The following CCDC171 variants were observed in gnomAD, a reference collection of about 807,000 sequenced individuals.
CCDC171 encodes the protein coiled-coil domain containing 171, also known as coiled-coil domain-containing protein 171.
In CCDC171, 177 loss-of-function variants were observed where a neutral mutation model predicts 168.2. That is an observed-to-expected ratio of 1.05 (90% CI 0.93 to 1.19). CCDC171 has a LOEUF of 1.19. CCDC171 is among the 50% of genes most tolerant of loss of function. The probability of loss-of-function intolerance (pLI) is 0.00; values close to 1 mark genes in which losing one functional copy is unlikely to be tolerated. For synonymous variants in CCDC171, 687 were observed against 540.8 expected, an observed-to-expected ratio of 1.27 and a Z score of -3.75; for missense variants, 1,991 against 1,539.0, an observed-to-expected ratio of 1.29 and a Z score of -4.91.
the CCDC171 span, among the ~76,000 whole-genome samples, chr9:16,095,624 A>T: frequency 6.6e-6 from 1 of 151,864 alleles, no homozygotes; most frequent in African/African-American, 2.4e-5. Context: ...ATTCTAAATC[A>T]CCTATTTCCC....
intron 1 of CCDC171, among the ~76,000 whole-genome samples, chr9:16,055,086 T>C (rs1586866487): frequency 6.6e-6 from 1 of 152,134 alleles, no homozygotes; most frequent in Admixed American, 6.5e-5. Context: ...TAATGATGGA[T>C]GAGGCATTAG....
At chr9:15,950,262 A>C (rs1828971120) in intron 25 of CCDC171, among the ~76,000 whole-genome samples, 1 of 152,164 alleles carries the variant, frequency 6.6e-6, no homozygotes, top group African/African-American at 2.4e-5. Flanking sequence ...CAAATTCAGG[A>C]AATACAGAGA....
chr9:15,645,969 A>G (rs1008999665), intron 7 of CCDC171, among the ~76,000 whole-genome samples: 1 of 152,224 alleles, frequency 6.6e-6, no homozygotes, highest in African/African-American at 2.4e-5. Flanking sequence ...GTTGAAATGA[A>G]GATAAAAATG....
Position 15,647,883 on chromosome 9 carries a change from C to G in CCDC171, c.823-9244C>G, listed in dbSNP as rs538385761. 6.2e-3 allele frequency among the ~76,000 whole-genome samples: 943 copies of G among 152,242 alleles called. 4 individuals carry two copies. Among genetic ancestry groups the G allele is most frequent in the Non-Finnish European group, 0.01 (714 of 68,020 alleles). ...ATCAATAGAAAAAGAAGGAATCCTCCCTAACTCATTTTATGAGGCCAGCAT... is the reference window on the plus strand; with the variant it reads ...ATCAATAGAAAAAGAAGGAATCCTCGCTAACTCATTTTATGAGGCCAGCAT... On this transcript the variant is annotated intron_variant, in intron 7 of 25. Coordinates refer to ENST00000380701, the MANE Select transcript of CCDC171 (RefSeq NM_173550.4).
intron 21 of CCDC171, among the ~76,000 whole-genome samples, chr9:15,843,257 A>G (rs551773941): frequency 6.6e-6 from 1 of 152,218 alleles, no homozygotes; most frequent in East Asian, 1.9e-4. Flanking sequence ...CATTGTAAAA[A>G]TTTGCTTTAA....
chr9:16,038,798 TA>T (rs2133052145), upstream of CCDC171, among the ~76,000 whole-genome samples: 1 of 86,998 alleles, frequency 1.1e-5, no homozygotes, highest in East Asian at 2.9e-4. Context: ...TGTGGTTTTA[TA>T]AGAGAAAATA....
In CCDC171 at chr9:15,971,963, A is replaced by G. The variant is rs1411688074; in HGVS notation, c.*127A>G. On this transcript the variant is annotated 3_prime_UTR_variant, in exon 26 of 26. Transcript: ENST00000380701. ...AGTGGATTTAAAAAATTTGTGCGCT[A>G]TCTTGATGTATTCTGGTAGCTCTGT... is the stretch of plus-strand genomic sequence containing the variant. 5 of 727,816 alleles carry G rather than the reference A, an allele frequency of 6.9e-6. No homozygotes were observed. Among genetic ancestry groups the G allele is most frequent in the Admixed American group, 2.4e-5 (1 of 41,096 alleles). 45.1% of individuals were successfully genotyped at this position (727,816 alleles called of 1,614,324 possible).
the CCDC171 span, among the ~76,000 whole-genome samples, chr9:16,080,658 C>T: frequency 6.6e-6 from 1 of 152,102 alleles, no homozygotes; most frequent in Admixed American, 6.6e-5. Context: ...GTTCTCCAGC[C>T]TGGGAGAGAA....
chr9:16,074,960 G>A, the CCDC171 span, among the ~76,000 whole-genome samples: 1 of 152,146 alleles, frequency 6.6e-6, no homozygotes, highest in South Asian at 2.1e-4. Context: ...TTGGAGGTGT[G>A]TCAAACTGTT....
At chr9:15,804,645 G>A (rs1265439477) in intron 21 of CCDC171, among the ~76,000 whole-genome samples, 2 of 151,942 alleles carry the variant, frequency 1.3e-5, no homozygotes, top group African/African-American at 4.8e-5. Flanking sequence ...CCAGTGTTTT[G>A]TGGAGGATTT....
intron 3 of CCDC171, among the ~76,000 whole-genome samples, chr9:15,577,184 T>C (rs1011982716): frequency 3.3e-5 from 5 of 152,164 alleles, no homozygotes; most frequent in African/African-American, 1.2e-4. Context: ...TTCATAACCT[T>C]ATCTGCCCTG....
intron 25 of CCDC171, among the ~76,000 whole-genome samples, chr9:15,964,444 A>G (rs896401434): frequency 6.6e-6 from 1 of 151,932 alleles, no homozygotes; most frequent in Non-Finnish European, 1.5e-5. Flanking sequence ...ATTCTCTCGA[A>G]TTGTTTGGGA....
intron 6 of CCDC171, among the ~76,000 whole-genome samples, chr9:15,607,279 A>G (rs1187808973): frequency 2.0e-5 from 3 of 152,156 alleles, no homozygotes; most frequent in Non-Finnish European, 4.4e-5. Flanking sequence ...CATTGAAGAC[A>G]ATTCTGAGTC....
At chr9:15,593,484 A>G (rs2042137224) in intron 5 of CCDC171, among the ~76,000 whole-genome samples, 1 of 152,100 alleles carries the variant, frequency 6.6e-6, no homozygotes, top group Admixed American at 6.6e-5. Flanking sequence ...TGCTTTTCAA[A>G]TTTTTAACAT....
chr9:15,640,049 C>A (rs7032877), intron 7 of CCDC171, among the ~76,000 whole-genome samples: 1 of 151,358 alleles, frequency 6.6e-6, no homozygotes, highest in Admixed American at 6.6e-5. Context: ...ATAAATGTTC[C>A]ATTCTGCTTT....
chr9:15,561,513 C>G (rs1035835216), intron 1 of CCDC171, among the ~76,000 whole-genome samples: 7 of 152,108 alleles, frequency 4.6e-5, no homozygotes, highest in African/African-American at 1.7e-4. Flanking sequence ...GAAATAAATA[C>G]TCTTTAAGGG....
intron 4 of CCDC171, among the ~76,000 whole-genome samples, chr9:16,021,801 G>T (rs922240269): frequency 6.6e-6 from 1 of 152,216 alleles, no homozygotes; most frequent in African/African-American, 2.4e-5. Context: ...CCCTATCTCT[G>T]TACTATGTGG....
rs1030523042 is a variant in CCDC171 at position 15,947,501 on chromosome 9, G to A, written c.3754-24108G>A. On this transcript the variant is annotated intron_variant, in intron 25 of 25. Coordinates refer to ENST00000380701, the MANE Select transcript of CCDC171 (RefSeq NM_173550.4). ...TTTCACTTAGCATAATGTCCTCAAG[G>A]TTAATACATGTTGTAGCATAGTAGC... is the stretch of plus-strand genomic sequence containing the variant. Among the ~76,000 whole-genome samples, 111 of 151,924 alleles carry A rather than the reference G, an allele frequency of 7.3e-4. 1 individual carries two copies. The highest frequency in any genetic ancestry group is 2.4e-3 in the African/African-American group (99 of 41,386).
At chr9:16,066,158 G>C (rs1833988321), downstream of CCDC171, among the ~76,000 whole-genome samples, 1 of 152,120 alleles carries the variant, frequency 6.6e-6, no homozygotes, top group Non-Finnish European at 1.5e-5. Flanking sequence ...CTTCACTGCA[G>C]ACTAACCTCT....
Sources: gnomAD v4.1 joint callset for allele counts (sites outside exome capture counted in the v4.1 genomes callset) on GRCh38, gnomAD v4.1.1 for gene constraint, MANE v1.5 for transcripts, NCBI Gene and HGNC (gene_info 2026-07-23, HGNC 2026-07-21) for gene names.